The following CREB3L2 variants were observed in gnomAD, a reference collection of about 807,000 sequenced individuals.
The protein encoded by CREB3L2 is cyclic AMP-responsive element-binding protein 3-like protein 2.
In CREB3L2, 23 loss-of-function variants were observed where a neutral mutation model predicts 57.2. That is an observed-to-expected ratio of 0.40 (90% CI 0.29 to 0.57). The LOEUF is 0.57. CREB3L2 is among the 20% of genes least tolerant of loss of function. The probability of loss-of-function intolerance (pLI) is 0.42; values close to 1 mark genes in which losing one functional copy is unlikely to be tolerated. For synonymous variants in CREB3L2, 268 were observed against 265.1 expected, an observed-to-expected ratio of 1.01 and a Z score of -0.11; for missense variants, 628 against 634.7, an observed-to-expected ratio of 0.99 and a Z score of 0.11.
intron 1 of CREB3L2, among the ~76,000 whole-genome samples, chr7:137,969,176 T>A (rs1046102424): frequency 1.1e-4 from 16 of 152,080 alleles, no homozygotes; most frequent in Non-Finnish European, 1.6e-4. Context: ...CATGATGATA[T>A]CAAGATTACA....
rs954113083 is a variant in CREB3L2, at chr7:137,980,172, T to G, written c.102+21432A>C. Reference sequence around the variant, plus strand: ...GCCAGACCATGGACCATGCTTTGAGTAGTCATACTCCAAGCCAGTAGTTCT... The same window carrying G: ...GCCAGACCATGGACCATGCTTTGAGGAGTCATACTCCAAGCCAGTAGTTCT... On this transcript the variant is annotated intron_variant, in intron 1 of 11. Transcript: ENST00000330387. The surrounding 1 kb of genome is among the most constrained non-coding windows in gnomAD (Gnocchi z 4.3). Among the ~76,000 whole-genome samples, 2 of 152,134 alleles carry G rather than the reference T, an allele frequency of 1.3e-5. No individual in the cohort carries two copies. Among genetic ancestry groups the G allele is most frequent in the African/African-American group, 4.8e-5 (2 of 41,418 alleles).
At chr7:137,949,147 A>C (rs2117268815) in intron 1 of CREB3L2, among the ~76,000 whole-genome samples, 2 of 152,362 alleles carry the variant, frequency 1.3e-5, no homozygotes, top group African/African-American at 4.8e-5. Context: ...ATTTTCTCTT[A>C]GGCAAATGCC....
rs75505042 is a variant in CREB3L2, at chr7:137,877,370, T to A, written c.*3106A>T. 54 of 226,928 alleles carry A rather than the reference T, an allele frequency of 2.4e-4. No individual in the cohort carries two copies. The East Asian group carries it at 3.4e-3, about 14-fold the overall frequency. 14.1% of individuals were successfully genotyped at this position (226,928 alleles called of 1,614,324 possible). ...AAAAAAGAGCAACCTAGTTCAGCTG[T>A]CGGATTTTTATATAACACTCTCTTT... On this transcript the variant is annotated 3_prime_UTR_variant, in exon 12 of 12. Coordinates refer to ENST00000330387, the MANE Select transcript of CREB3L2 (RefSeq NM_194071.4).
At chr7:137,910,134 C>A (rs1221031114) in intron 4 of CREB3L2, among the ~76,000 whole-genome samples, 1 of 152,142 alleles carries the variant, frequency 6.6e-6, no homozygotes, top group African/African-American at 2.4e-5. Context: ...GAGCAGCAAT[C>A]AGCATCTCTC....
intron 1 of CREB3L2, among the ~76,000 whole-genome samples, chr7:137,969,492 G>A (rs113700815): frequency 1.2e-4 from 18 of 151,520 alleles, no homozygotes; most frequent in African/African-American, 2.7e-4. Flanking sequence ...GACTACAGGC[G>A]CCCGCCATCA....
intron 1 of CREB3L2, among the ~76,000 whole-genome samples, chr7:137,950,249 T>C (rs1340252940): frequency 1.3e-5 from 2 of 152,148 alleles, no homozygotes; most frequent in Non-Finnish European, 1.5e-5. Context: ...GGGTACTGTG[T>C]TTTCCAATGG....
chr7:137,964,729 T>C (rs1319187486), intron 1 of CREB3L2, among the ~76,000 whole-genome samples: 1 of 152,236 alleles, frequency 6.6e-6, no homozygotes, highest in African/African-American at 2.4e-5. Flanking sequence ...CCAGTAGTGA[T>C]ATGGTTTGGC....
At chr7:137,994,376 C>G (rs1232291640) in intron 1 of CREB3L2, among the ~76,000 whole-genome samples, 2 of 152,222 alleles carry the variant, frequency 1.3e-5, no homozygotes, top group Admixed American at 6.5e-5. Flanking sequence ...TTGCCACCTG[C>G]TGTCGATCCC....
At chr7:137,883,793 G>A (rs547483847) in intron 10 of CREB3L2, among the ~76,000 whole-genome samples, 1 of 152,170 alleles carries the variant, frequency 6.6e-6, no homozygotes, top group Non-Finnish European at 1.5e-5. Flanking sequence ...ACAGGTAACT[G>A]AAAGCTTAGA....
At chr7:137,951,506 G>C (rs1014756190) in intron 1 of CREB3L2, among the ~76,000 whole-genome samples, 1 of 152,194 alleles carries the variant, frequency 6.6e-6, no homozygotes, top group African/African-American at 2.4e-5. Flanking sequence ...GTATTTGCTA[G>C]TTCAGTGTTC....
At chr7:137,963,477 A>G (rs1801358595) in intron 1 of CREB3L2, among the ~76,000 whole-genome samples, 1 of 152,186 alleles carries the variant, frequency 6.6e-6, no homozygotes, top group Non-Finnish European at 1.5e-5. Flanking sequence ...TTTTGTATTT[A>G]TCCTAAGGTA....
In CREB3L2 at chr7:137,963,107, A is replaced by T. The variant is rs1422911545; in HGVS notation, c.103-34741T>A. On this transcript the variant is annotated intron_variant, in intron 1 of 11. Coordinates refer to ENST00000330387, the MANE Select transcript of CREB3L2 (RefSeq NM_194071.4). ...CCCCCCTCCTTCACGTTCCTTCTGG[A>T]TCCCAAGCCTGCAACGCCTGGAAAG... is the stretch of plus-strand genomic sequence containing the variant. Among the ~76,000 whole-genome samples, 5 of 152,074 alleles carry T rather than the reference A, an allele frequency of 3.3e-5. No individual in the cohort carries two copies. In the South Asian group the frequency reaches 6.2e-4, roughly 19 times the overall value.
At chr7:137,926,550 G>A (rs273946) in intron 2 of CREB3L2, among the ~76,000 whole-genome samples, 71,136 of 151,924 alleles carry the variant, frequency 0.47, 19,189 homozygotes, top group East Asian at 0.83. Context: ...GACACAGGGA[G>A]GGGAACATCA....
chr7:137,964,174 G>C (rs757608387), intron 1 of CREB3L2, among the ~76,000 whole-genome samples: 2 of 152,146 alleles, frequency 1.3e-5, no homozygotes, highest in Non-Finnish European at 2.9e-5. Context: ...AAATTAGCCA[G>C]GCGTGGTGGC....
At chr7:137,909,876 C>A (rs2117211133) in intron 4 of CREB3L2, among the ~76,000 whole-genome samples, 1 of 152,256 alleles carries the variant, frequency 6.6e-6, no homozygotes, top group East Asian at 1.9e-4. Context: ...GCAGTTTCCC[C>A]CATACTGTTT....
At chr7:137,967,973 G>A (rs548561499) in intron 1 of CREB3L2, among the ~76,000 whole-genome samples, 9 of 152,298 alleles carry the variant, frequency 5.9e-5, no homozygotes, top group Admixed American at 3.9e-4. Context: ...AATGCTGCAA[G>A]GTAGGTTATA....
At position 137,879,587 on chromosome 7, in the gene CREB3L2, G is replaced by A; in HGVS notation, c.*889C>T. On this transcript the variant is annotated 3_prime_UTR_variant, in exon 12 of 12. Coordinates refer to ENST00000330387, the MANE Select transcript of CREB3L2 (RefSeq NM_194071.4). ...TATTCCAGTTAAAAGAAAAAACAAA[G>A]GAAAGGAAACAAAACATTGTCTGGA... 4.1e-6 allele frequency: 1 copy of A among 245,244 alleles called. No individual in the cohort carries two copies. The highest frequency in any genetic ancestry group is 6.0e-5 in the East Asian group (1 of 16,672). 15.2% of individuals were successfully genotyped at this position (245,244 alleles called of 1,614,324 possible).
At chr7:137,961,356 A>G (rs1288931322) in intron 1 of CREB3L2, among the ~76,000 whole-genome samples, 1 of 152,196 alleles carries the variant, frequency 6.6e-6, no homozygotes, top group East Asian at 1.9e-4. Context: ...AAATTGGGGA[A>G]GGAACATCAT....
chr7:137,958,663 G>A (rs1801263907), intron 1 of CREB3L2, among the ~76,000 whole-genome samples: 1 of 152,232 alleles, frequency 6.6e-6, no homozygotes, highest in Non-Finnish European at 1.5e-5. Context: ...AATGTTTTAA[G>A]AAATCCAGTG....
Sources: gnomAD v4.1 joint callset for allele counts (sites outside exome capture counted in the v4.1 genomes callset) on GRCh38, gnomAD v4.1.1 for gene constraint, Gnocchi (gnomAD v3.1) non-coding constraint, MANE v1.5 for transcripts, NCBI Gene and HGNC (gene_info 2026-07-23, HGNC 2026-07-21) for gene names.